The following SPIDR variants were observed in gnomAD, a reference collection of about 807,000 sequenced individuals.
SPIDR encodes the protein scaffold protein involved in DNA repair, also known as DNA repair-scaffolding protein.
SPIDR carries 93 observed loss-of-function variants against 104.6 expected under a neutral mutation model. The ratio of observed to expected loss-of-function variants is 0.89; its 90% CI spans 0.75 to 1.06. The LOEUF (loss-of-function observed/expected upper bound fraction) is 1.06. Among genes scored for constraint, SPIDR ranks in the 50% least tolerant of loss-of-function variants. SPIDR has a pLI of 0.00. For synonymous variants in SPIDR, 431 were observed against 416.9 expected, an observed-to-expected ratio of 1.03 and a Z score of -0.41; for missense variants, 1,154 against 1,111.2, an observed-to-expected ratio of 1.04 and a Z score of -0.55.
intron 8 of SPIDR, among the ~76,000 whole-genome samples, chr8:47,481,096 G>A (rs373200388): frequency 4.6e-5 from 7 of 152,192 alleles, no homozygotes; most frequent in African/African-American, 1.4e-4. Context: ...AGGAATCACC[G>A]CTCTAATGCT....
chr8:47,558,662 A>G (rs1171366889), intron 8 of SPIDR, among the ~76,000 whole-genome samples: 1 of 151,800 alleles, frequency 6.6e-6, no homozygotes, highest in Non-Finnish European at 1.5e-5. Context: ...TTTTTTGAGA[A>G]GGAGTCTCGC....
intron 8 of SPIDR, among the ~76,000 whole-genome samples, chr8:47,510,188 T>TCTTC (rs755103993): frequency 2.2e-4 from 33 of 152,236 alleles, no homozygotes; most frequent in Non-Finnish European, 4.7e-4. Flanking sequence ...CATGAAGGAA[T>TCTTC]CTTCAGTCTC....
At chr8:47,509,067 C>CT (rs1357152625) in intron 8 of SPIDR, among the ~76,000 whole-genome samples, 1 of 152,184 alleles carries the variant, frequency 6.6e-6, no homozygotes, top group Non-Finnish European at 1.5e-5. Flanking sequence ...CTCTAGGCCT[C>CT]TGTCACCTGC....
At chr8:47,529,751 G>A (rs189160251) in intron 8 of SPIDR, among the ~76,000 whole-genome samples, 35 of 152,214 alleles carry the variant, frequency 2.3e-4, no homozygotes, top group Admixed American at 7.2e-4. Flanking sequence ...TGTATTCAGT[G>A]GTCATAGTTC....
chr8:47,612,514 T>C (rs2063731666), intron 10 of SPIDR, among the ~76,000 whole-genome samples: 1 of 152,272 alleles, frequency 6.6e-6, no homozygotes, highest in Non-Finnish European at 1.5e-5. Context: ...ACCACATATT[T>C]GGGAGAAAGT....
intron 5 of SPIDR, among the ~76,000 whole-genome samples, chr8:47,390,948 C>A (rs2060507576): frequency 6.6e-6 from 1 of 152,142 alleles, no homozygotes; most frequent in Non-Finnish European, 1.5e-5. Context: ...TTGCCTTTGA[C>A]CTATTTCTGA....
intron 11 of SPIDR, among the ~76,000 whole-genome samples, chr8:47,682,185 G>A (rs768347684): frequency 4.8e-5 from 7 of 146,294 alleles, no homozygotes; most frequent in Admixed American, 1.4e-4. Context: ...TTTTTATTAC[G>A]TCCAAAGTGA....
At chr8:47,695,830 C>T (rs1488866671) in intron 11 of SPIDR, among the ~76,000 whole-genome samples, 1 of 152,160 alleles carries the variant, frequency 6.6e-6, no homozygotes, top group East Asian at 1.9e-4. Context: ...TCATTTGCTA[C>T]ACCAAAATAT....
At chr8:47,527,189 CCGG>C (rs2085142220) in intron 8 of SPIDR, among the ~76,000 whole-genome samples, 1 of 152,120 alleles carries the variant, frequency 6.6e-6, no homozygotes. Flanking sequence ...TAACAGTATA[CCGG>C]AGCATTCAGC....
chr8:47,488,873 TG>T (rs1404509578), intron 8 of SPIDR, among the ~76,000 whole-genome samples: 1 of 152,178 alleles, frequency 6.6e-6, no homozygotes, highest in Non-Finnish European at 1.5e-5. Flanking sequence ...GAGCTATCTA[TG>T]ACAAACCCAC....
intron 8 of SPIDR, chr8:47,511,869 C>T: frequency 1.2e-6 from 1 of 819,912 alleles, no homozygotes; most frequent in East Asian, 2.4e-5. Context: ...CATAAAACCT[C>T]TGGCCTTCCT....
At chr8:47,355,663 G>GGTT (rs782376529) in intron 5 of SPIDR, among the ~76,000 whole-genome samples, 12 of 152,104 alleles carry the variant, frequency 7.9e-5, no homozygotes, top group Non-Finnish European at 1.0e-4. Context: ...TTTCTGCATG[G>GGTT]GTTACATTGG....
At chr8:47,467,803 AG>A (rs577006071) in intron 8 of SPIDR, among the ~76,000 whole-genome samples, 441 of 152,332 alleles carry the variant, frequency 2.9e-3, no homozygotes, top group South Asian at 0.011. Context: ...GCCCAAGACA[AG>A]GATGCCCTCT....
chr8:47,330,983 C>A (rs2154267914), intron 5 of SPIDR: 1 of 328,906 alleles, frequency 3.0e-6, no homozygotes, highest in Admixed American at 3.7e-5. Flanking sequence ...CAAAAGAGTT[C>A]CTGTTGCTCC....
At chr8:47,496,040 A>G (rs954590041) in intron 8 of SPIDR, among the ~76,000 whole-genome samples, 3 of 152,212 alleles carry the variant, frequency 2.0e-5, no homozygotes, top group African/African-American at 7.2e-5. Flanking sequence ...TAATTTTTGT[A>G]TATTGATCTT....
chr8:47,727,149 CAGAG>C (rs749912005), intron 16 of SPIDR, 47 bp from the exon 17 acceptor site: 31 of 1,549,496 alleles, frequency 2.0e-5, no homozygotes, highest in African/African-American at 1.5e-4. Flanking sequence ...GCAGAGGAGT[CAGAG>C]AGGGCAGAGC....
intron 5 of SPIDR, among the ~76,000 whole-genome samples, chr8:47,343,287 T>A (rs1554615196): frequency 6.6e-6 from 1 of 152,142 alleles, no homozygotes; most frequent in East Asian, 1.9e-4. Context: ...GCTGGACTTT[T>A]GTGTTAGGGG....
At chr8:47,392,140 A>C (rs1311299640) in intron 5 of SPIDR, among the ~76,000 whole-genome samples, 7 of 152,228 alleles carry the variant, frequency 4.6e-5, no homozygotes, top group African/African-American at 1.7e-4. Context: ...AACATTTGCT[A>C]AATGCTTATA....
intron 8 of SPIDR, among the ~76,000 whole-genome samples, chr8:47,505,275 G>T (rs1335611938): frequency 3.3e-5 from 5 of 152,174 alleles, no homozygotes; most frequent in Non-Finnish European, 7.4e-5. Context: ...GAGCTGCGGT[G>T]GGCTCCACCC....
Sources: allele counts gnomAD v4.1 joint callset (sites outside exome capture counted in the v4.1 genomes callset), GRCh38; gene constraint gnomAD v4.1.1; transcripts MANE v1.5; gene names NCBI Gene and HGNC (gene_info 2026-07-23, HGNC 2026-07-21).